Variants in EFCAB6 observed in about 807,000 individuals in gnomAD.
EFCAB6 encodes EF-hand calcium-binding domain-containing protein 6.
A neutral mutation model predicts 169.8 loss-of-function variants in EFCAB6; 156 were observed. The observed-to-expected ratio is 0.92, with a 90% CI of 0.81 to 1.05. The LOEUF (loss-of-function observed/expected upper bound fraction) is 1.05. Ranked by LOEUF, EFCAB6 falls within the 50% of genes least tolerant of loss-of-function variation. The pLI is 0.00. For synonymous variants in EFCAB6, 698 were observed against 676.4 expected (o/e 1.03, Z -0.50); for missense variants, 1,800 against 1,829.1 (o/e 0.98, Z 0.29).
chr22:43,710,273 C>T (rs1378082487), intron 10 of EFCAB6, among the ~76,000 whole-genome samples: 1 of 152,120 alleles, frequency 6.6e-6, no homozygotes, highest in Non-Finnish European at 1.5e-5. Flanking sequence ...TGTCATACCA[C>T]AAAGCAAGGA....
chr22:43,535,232 C>G (rs965658754), intron 29 of EFCAB6: 1 of 194,338 alleles, frequency 5.1e-6, no homozygotes, highest in Non-Finnish European at 1.0e-5. Flanking sequence ...GTTCCCTGAG[C>G]TCATAGTGAG....
At chr22:43,560,865 T>C (rs2147118403) in intron 26 of EFCAB6, among the ~76,000 whole-genome samples, 1 of 152,262 alleles carries the variant, frequency 6.6e-6, no homozygotes, top group Non-Finnish European at 1.5e-5. Context: ...GTCATGGTGA[T>C]AGGTCCCCGC....
chr22:43,651,504 C>A (rs1354361290), intron 17 of EFCAB6, among the ~76,000 whole-genome samples: 5 of 152,272 alleles, frequency 3.3e-5, no homozygotes, highest in African/African-American at 4.8e-5. Context: ...TCTGCTAGGG[C>A]AGTGCAGAAG....
At chr22:43,807,856 T>G (rs1038707519) in intron 2 of EFCAB6, among the ~76,000 whole-genome samples, 2 of 152,218 alleles carry the variant, frequency 1.3e-5, no homozygotes, top group Non-Finnish European at 1.5e-5. Context: ...TTCCACACAC[T>G]TCCATATACA....
chr22:43,605,180 T>C (rs2052821180), intron 22 of EFCAB6, among the ~76,000 whole-genome samples: 1 of 152,216 alleles, frequency 6.6e-6, no homozygotes, highest in Admixed American at 6.5e-5. Flanking sequence ...CGGATGTCGC[T>C]GACTCTATCC....
In EFCAB6 at chr22:43,658,715, G is replaced by A. The variant is rs545224799; in HGVS notation, c.1983+8389C>T. Among the ~76,000 whole-genome samples, 5 of 152,310 alleles carry A rather than the reference G, an allele frequency of 3.3e-5. No homozygotes were observed. The South Asian group carries it at 1.0e-3, about 32-fold the overall frequency. ...AATCTGGCCGTGTCCTCGGTGGAAG[G>A]ACATTGCTGGAGGATGGAGGAATAA... On this transcript the variant is annotated intron_variant, in intron 17 of 31. Coordinates refer to ENST00000262726, the MANE Select transcript of EFCAB6 (RefSeq NM_022785.4).
At chr22:43,642,775 C>A (rs2055885642) in intron 17 of EFCAB6, among the ~76,000 whole-genome samples, 2 of 152,144 alleles carry the variant, frequency 1.3e-5, no homozygotes, top group African/African-American at 4.8e-5. Flanking sequence ...ACTGGGGTGA[C>A]AATCAAGACG....
At chr22:43,631,934 A>G (rs2054975718) in intron 19 of EFCAB6, among the ~76,000 whole-genome samples, 171 bp downstream of exon 19, 1 of 150,544 alleles carries the variant, frequency 6.6e-6, no homozygotes, top group Non-Finnish European at 1.5e-5. Flanking sequence ...AGGAAGCCCC[A>G]TCCTCCCCAC....
chr22:43,559,314 A>G (rs1475684063), intron 26 of EFCAB6, among the ~76,000 whole-genome samples: 4 of 152,244 alleles, frequency 2.6e-5, no homozygotes, highest in African/African-American at 9.6e-5. Flanking sequence ...ACAATAAGAT[A>G]CCCTCTTACG....
chr22:43,580,406 A>G (rs2050642614), intron 25 of EFCAB6, 58 bp downstream of exon 25: 2 of 1,571,452 alleles, frequency 1.3e-6, no homozygotes, highest in African/African-American at 2.7e-5. Flanking sequence ...TGGGGCTGAG[A>G]GGTGTTTTCA....
In EFCAB6 at chr22:43,576,443, T is replaced by C. The variant is rs766799876; in HGVS notation, c.3274A>G (p.Thr1092Ala). Residue 1092 changes from threonine (T) to alanine (A), a missense_variant, in exon 26 of 32, where the codon ACA becomes GCA. Transcript: ENST00000262726. Reference sequence around the variant, plus strand: ...TCCTTAAGAACTTGTCCGAATTCTGTAGCCTTTACAAATCCTGTATCCTCT... The same window carrying C: ...TCCTTAAGAACTTGTCCGAATTCTGCAGCCTTTACAAATCCTGTATCCTCT... ...DKEDTGFVKATEFGQVLKDFC... is the reference protein window; with the variant it reads ...DKEDTGFVKAAEFGQVLKDFC... 10 of 1,593,948 alleles carry C rather than the reference T, an allele frequency of 6.3e-6. No individual in the cohort carries two copies. The highest frequency in any genetic ancestry group is 8.5e-6 in the Non-Finnish European group (10 of 1,174,326).
intron 10 of EFCAB6, among the ~76,000 whole-genome samples, chr22:43,687,968 G>A (rs768747082): frequency 6.6e-6 from 1 of 152,206 alleles, no homozygotes; most frequent in Non-Finnish European, 1.5e-5. Flanking sequence ...CTGTGACTAC[G>A]TTCTTGCCCC....
chr22:43,724,319 G>C (rs1051114339), intron 8 of EFCAB6, among the ~76,000 whole-genome samples: 2 of 151,146 alleles, frequency 1.3e-5, no homozygotes, highest in African/African-American at 2.4e-5. Context: ...TTCCATCTCA[G>C]ACCTTGTCAG....
intron 17 of EFCAB6, among the ~76,000 whole-genome samples, chr22:43,657,898 C>A (rs1433429824): frequency 6.6e-6 from 1 of 152,156 alleles, no homozygotes. Flanking sequence ...ATTAAAACAA[C>A]CAGAAAAGCC....
At chr22:43,598,426 G>A (rs2052226904) in intron 23 of EFCAB6, among the ~76,000 whole-genome samples, 1 of 151,696 alleles carries the variant, frequency 6.6e-6, no homozygotes, top group Admixed American at 6.6e-5. Context: ...GTCGGGAGGG[G>A]GAAGATAAGA....
chr22:43,718,934 GGACCTGAAGTGGTCTA>G (rs1326188661), intron 8 of EFCAB6, among the ~76,000 whole-genome samples: 1 of 152,212 alleles, frequency 6.6e-6, no homozygotes, highest in African/African-American at 2.4e-5. Context: ...CACAGAAGCG[GGACCTGAAGTGGTCTA>G]GCACACAGAG....
chr22:43,636,609 C>CTTT (rs907909699), intron 17 of EFCAB6, among the ~76,000 whole-genome samples: 3 of 126,296 alleles, frequency 2.4e-5, no homozygotes, highest in Admixed American at 7.9e-5. Context: ...CAGTTCTTTT[C>CTTT]TTTTTTTTTT....
chr22:43,805,906 T>C (rs2062899571), intron 2 of EFCAB6, among the ~76,000 whole-genome samples: 1 of 152,194 alleles, frequency 6.6e-6, no homozygotes, highest in African/African-American at 2.4e-5. Flanking sequence ...GGCTCATGCC[T>C]GTAATCCCAA....
At chr22:43,592,045 A>C (rs533991788) in intron 23 of EFCAB6, among the ~76,000 whole-genome samples, 109 of 152,266 alleles carry the variant, frequency 7.2e-4, no homozygotes, top group Non-Finnish European at 1.3e-3. Context: ...TAGAAATGAA[A>C]TCTTTGGTGG....
Sources: allele counts gnomAD v4.1 joint callset (sites outside exome capture counted in the v4.1 genomes callset), GRCh38; gene constraint gnomAD v4.1.1; transcripts MANE v1.5; gene names NCBI Gene and HGNC (gene_info 2026-07-23, HGNC 2026-07-21).